Variants in ABL2 observed in about 807,000 individuals in gnomAD.
The protein encoded by ABL2 is tyrosine-protein kinase ABL2.
ABL2 carries 49 observed loss-of-function variants against 107.7 expected under a neutral mutation model. The observed-to-expected ratio is 0.45, with a 90% confidence interval of 0.36 to 0.58. The LOEUF (loss-of-function observed/expected upper bound fraction) is 0.58. ABL2 is among the 20% of genes least tolerant of loss of function. The probability of loss-of-function intolerance (pLI) is 0.00; values close to 1 mark genes in which losing one functional copy is unlikely to be tolerated. For missense variants in ABL2, 1,245 were observed against 1,457.0 expected (o/e 0.85, Z 2.37); for synonymous variants, 549 against 548.6 (o/e 1.00, Z -0.01).
At position 179,106,162 on chromosome 1, in the gene ABL2, T is replaced by C. The variant is rs992476249; in HGVS notation, c.*1556A>G. On this transcript the variant is annotated 3_prime_UTR_variant, in exon 12 of 12. Coordinates refer to ENST00000502732, the MANE Select transcript of ABL2 (RefSeq NM_007314.4). ...CTCTCCTTGGGGAGGATGGGGGAAG[T>C]ATTCATAAAGCTTTAAAAAGAGAAT... is the stretch of plus-strand genomic sequence containing the variant. 9.0e-6 allele frequency: 2 copies of C among 221,916 alleles called. No homozygotes were observed. The highest frequency in any genetic ancestry group is 4.5e-5 in the African/African-American group (2 of 44,748). 13.7% of individuals were successfully genotyped at this position (221,916 alleles called of 1,614,324 possible).
At chr1:179,140,686 A>C (rs1657489973) in intron 1 of ABL2, among the ~76,000 whole-genome samples, 1 of 152,228 alleles carries the variant, frequency 6.6e-6, no homozygotes, top group African/African-American at 2.4e-5. Context: ...AATATAAAAC[A>C]AAACTCTAGA....
intron 1 of ABL2, among the ~76,000 whole-genome samples, chr1:179,176,253 A>C (rs1183092186): frequency 2.0e-5 from 3 of 152,142 alleles, no homozygotes; most frequent in Admixed American, 6.6e-5. Flanking sequence ...AAATAGAATA[A>C]ATAAGATCTA....
rs1653224884 is a variant in ABL2 at position 179,102,929 on chromosome 1, TGGC to T, written c.*4786_*4788del. The T allele has an allele frequency of 4.4e-6, 1 of 226,730 alleles. No homozygotes were observed. Among genetic ancestry groups the T allele is most frequent in the Admixed American group, 5.7e-5 (1 of 17,550 alleles). 14.0% of individuals were successfully genotyped at this position (226,730 alleles called of 1,614,324 possible). On this transcript the variant is annotated 3_prime_UTR_variant, in exon 12 of 12. Coordinates refer to ENST00000502732, the MANE Select transcript of ABL2 (RefSeq NM_007314.4). ...TAATTCCCAAAGTGCACTGGTTTTA[TGGC>T]CATCCACCTCCCCCTGTAAACCTAA...
chr1:179,140,016 C>T (rs1228121783), intron 1 of ABL2, among the ~76,000 whole-genome samples: 2 of 152,188 alleles, frequency 1.3e-5, no homozygotes, highest in Non-Finnish European at 2.9e-5. Context: ...GATTTCCATG[C>T]TTCCGTGCTT....
At chr1:179,153,853 A>C (rs964522504) in intron 1 of ABL2, among the ~76,000 whole-genome samples, 5 of 152,136 alleles carry the variant, frequency 3.3e-5, no homozygotes, top group African/African-American at 1.2e-4. Context: ...GGATAAGTAG[A>C]TACCTTTGGA....
At chr1:179,191,430 T>C (rs984501365) in intron 1 of ABL2, among the ~76,000 whole-genome samples, 1 of 144,550 alleles carries the variant, frequency 6.9e-6, no homozygotes, top group Non-Finnish European at 1.5e-5. Context: ...TTTTTTTTTT[T>C]TTTTTTTGAG....
chr1:179,196,798 C>A (rs935836585), intron 1 of ABL2, among the ~76,000 whole-genome samples: 25 of 149,214 alleles, frequency 1.7e-4, no homozygotes, highest in Non-Finnish European at 2.4e-4. Flanking sequence ...AAAAAAAAAA[C>A]CCCACTGACC....
At chr1:179,188,445 G>C (rs1244839584) in intron 1 of ABL2, among the ~76,000 whole-genome samples, 2 of 152,080 alleles carry the variant, frequency 1.3e-5, no homozygotes, top group African/African-American at 4.8e-5. Context: ...TACTCAGGGG[G>C]CTGAGGCAGG....
intron 1 of ABL2, among the ~76,000 whole-genome samples, chr1:179,152,899 G>A (rs1317668006): frequency 6.6e-6 from 1 of 152,150 alleles, no homozygotes; most frequent in Non-Finnish European, 1.5e-5. Flanking sequence ...AAGGATATCG[G>A]AAAGGAAACA....
At chr1:179,149,119 A>C (rs982570325) in intron 1 of ABL2, among the ~76,000 whole-genome samples, 5 of 152,200 alleles carry the variant, frequency 3.3e-5, no homozygotes, top group Non-Finnish European at 5.9e-5. Context: ...TCCTGAAGAA[A>C]ATTAAAAGTG....
Position 179,133,353 on chromosome 1 carries a change from T to C in ABL2, c.179A>G (p.Glu60Gly), listed in dbSNP as rs763588356. 2 of 1,614,046 alleles carry C rather than the reference T, an allele frequency of 1.2e-6. No individual in the cohort carries two copies. The highest frequency in any genetic ancestry group is 1.1e-5 in the South Asian group (1 of 91,076). Residue 60 changes from glutamate to glycine, a missense_variant, in exon 2 of 12, where the codon GAG becomes GGG. Physicochemically the swap from Glu to Gly is moderately conservative, Grantham distance 98. This residue lies in a region of ABL2 where 164 missense variants were observed against 143.7 expected (regional missense o/e 1.14). Coordinates refer to ENST00000502732, the MANE Select transcript of ABL2 (RefSeq NM_007314.4). The part of the protein sequence containing the change: ...TQHDHFASCV[E>G]DGFEGDKTGG... ...AGTCTTGTCTCCCTCAAATCCATCC[T>C]CCACACAGCTGGCAAAGTGATCTAT...
intron 1 of ABL2, among the ~76,000 whole-genome samples, chr1:179,172,040 C>T (rs1192239456): frequency 6.6e-6 from 1 of 152,186 alleles, no homozygotes; most frequent in Non-Finnish European, 1.5e-5. Flanking sequence ...TCTGTCCTTA[C>T]TGAAGGTAGT....
At chr1:179,205,450 G>C (rs770209317) in intron 1 of ABL2, among the ~76,000 whole-genome samples, 21 of 152,196 alleles carry the variant, frequency 1.4e-4, no homozygotes, top group Non-Finnish European at 2.8e-4. Context: ...GATATAAAAG[G>C]AAGTGACATA....
chr1:179,139,286 C>T (rs534860285), intron 1 of ABL2, among the ~76,000 whole-genome samples: 6 of 152,200 alleles, frequency 3.9e-5, no homozygotes, highest in East Asian at 3.9e-4. Flanking sequence ...CCGGGAGGAA[C>T]GAACAACTCC....
intron 1 of ABL2, among the ~76,000 whole-genome samples, chr1:179,200,039 CTTTT>C (rs55873652): frequency 0.019 from 1,622 of 84,034 alleles, 43 homozygotes; most frequent in South Asian, 0.078. Flanking sequence ...CCCCCAATGC[CTTTT>C]TTTTTTTTTT....
chr1:179,214,048 T>A (rs1261195605), intron 1 of ABL2, among the ~76,000 whole-genome samples: 1 of 152,150 alleles, frequency 6.6e-6, no homozygotes, highest in Non-Finnish European at 1.5e-5. Context: ...AGACTCAAGA[T>A]GGACATACAA....
rs535525486 is a variant in ABL2, at chr1:179,126,096, A to G, written c.687+281T>C. Among the ~76,000 whole-genome samples the G allele has an allele frequency of 4.5e-4, 68 of 152,330 alleles. 2 individuals are homozygous for G. In the South Asian group the frequency reaches 0.014, roughly 31 times the overall value. On this transcript the variant is annotated intron_variant, in intron 4 of 11. Transcript: ENST00000502732. This position sits in a 1 kb window ranked among gnomAD's most constrained non-coding sequence, Gnocchi z 4.4. ...GCACTGGGTGTATATTTGTGTACTGATTATAAGAACAGCTAACTTATAGAG... is the reference window on the plus strand; with the variant it reads ...GCACTGGGTGTATATTTGTGTACTGGTTATAAGAACAGCTAACTTATAGAG...
intron 11 of ABL2, among the ~76,000 whole-genome samples, 170 bp downstream of exon 11, chr1:179,110,112 G>A (rs1269950943): frequency 1.3e-5 from 2 of 152,220 alleles, no homozygotes; most frequent in African/African-American, 4.8e-5. Context: ...TGAAACTGGA[G>A]CCAGAGTTGT....
At chr1:179,110,679 G>A in intron 10 of ABL2, 2 of 1,574,886 alleles carry the variant, frequency 1.3e-6, no homozygotes, top group Non-Finnish European at 1.7e-6. Context: ...TCATTGCTGT[G>A]TAGCATGCCA....
Sources: allele counts gnomAD v4.1 joint callset (sites outside exome capture counted in the v4.1 genomes callset), GRCh38; gene constraint gnomAD v4.1.1; regional missense constraint gnomAD v4.1.1; non-coding constraint Gnocchi (gnomAD v3.1); transcripts MANE v1.5; gene names NCBI Gene and HGNC (gene_info 2026-07-23, HGNC 2026-07-21).